Variants in CMTM7 observed in about 807,000 individuals in gnomAD.
The protein encoded by CMTM7 is CKLF like MARVEL transmembrane domain containing 7.
Under a neutral mutation model 19.3 loss-of-function variants are expected in CMTM7, and 7 were observed. The observed-to-expected ratio is 0.36, with a 90% CI of 0.21 to 0.68. The LOEUF is 0.68. CMTM7 is among the 30% of genes least tolerant of loss of function. The pLI, the probability that CMTM7 is intolerant of heterozygous loss-of-function variation, is 0.60. For synonymous variants in CMTM7, 87 were observed against 99.3 expected (o/e 0.88, Z 0.74); for missense variants, 193 against 232.6 (o/e 0.83, Z 1.11).
chr3:32,446,504 A>T (rs28810816), intron 2 of CMTM7, among the ~76,000 whole-genome samples: 1 of 151,040 alleles, frequency 6.6e-6, no homozygotes, highest in African/African-American at 2.4e-5. Flanking sequence ...TTTAATCTTT[A>T]TTTTTTTTCT....
rs751659931 is a variant in CMTM7, at chr3:32,449,475, G to A, written c.355G>A (p.Gly119Ser). ...PLSELLHYLI[G>S]TLLLLIASIV... The stretch of plus-strand genomic sequence containing the variant: ...CCAGGAACTTCTGCACTATTTAATC[G>A]GTACCCTGCTCCTCCTCATCGCCTC... Residue 119 changes from glycine to serine, a missense_variant, in exon 3 of 5, where the codon GGT (glycine) becomes AGT (serine). Coordinates refer to ENST00000334983, the MANE Select transcript of CMTM7 (RefSeq NM_138410.4). The surrounding 1 kb of genome is among the most constrained non-coding windows in gnomAD (Gnocchi z 4.5). The A allele has an allele frequency of 5.6e-6, 9 of 1,613,828 alleles. No individual in the cohort carries two copies. Among genetic ancestry groups the A allele is most frequent in the South Asian group, 2.2e-5 (2 of 91,070 alleles).
intron 1 of CMTM7, among the ~76,000 whole-genome samples, chr3:32,409,708 C>G (rs1373779898): frequency 6.6e-6 from 1 of 152,184 alleles, no homozygotes; most frequent in Non-Finnish European, 1.5e-5. Flanking sequence ...GTGGGACCCT[C>G]TGATTCTCAG....
intron 2 of CMTM7, among the ~76,000 whole-genome samples, chr3:32,444,521 G>A (rs140595497): frequency 0.036 from 5,462 of 152,190 alleles, 149 homozygotes; most frequent in Non-Finnish European, 0.052. Context: ...TCTTTTTTAG[G>A]ATTGATTTGG....
intron 4 of CMTM7, among the ~76,000 whole-genome samples, chr3:32,453,868 G>A (rs974211726): frequency 2.6e-5 from 4 of 152,152 alleles, no homozygotes; most frequent in South Asian, 4.1e-4. Flanking sequence ...ATTTTTAAAC[G>A]TAGAGAATAT....
intron 1 of CMTM7, among the ~76,000 whole-genome samples, chr3:32,406,396 T>G (rs1696091975): frequency 6.6e-6 from 1 of 152,212 alleles, no homozygotes; most frequent in Non-Finnish European, 1.5e-5. Context: ...CAATGTTGCA[T>G]GCTTTTCAAC....
intron 1 of CMTM7, among the ~76,000 whole-genome samples, chr3:32,433,613 G>C (rs1015368145): frequency 6.6e-6 from 1 of 152,100 alleles, no homozygotes; most frequent in East Asian, 1.9e-4. Context: ...CCTTGTGCTG[G>C]GTCCCTAATT....
chr3:32,392,262 C>CAGTCCCCCGCGCTGGAGCTT (rs2125614801), intron 1 of CMTM7, among the ~76,000 whole-genome samples, 197 bp downstream of exon 1: 1 of 152,292 alleles, frequency 6.6e-6, no homozygotes, highest in East Asian at 1.9e-4. Context: ...CGCTGGAGCT[C>CAGTCCCCCGCGCTGGAGCTT]AGTCCCCAGA....
At position 32,449,298 on chromosome 3, in the gene CMTM7, C is replaced by T. The variant is rs553157180; in HGVS notation, c.334-156C>T. Among the ~76,000 whole-genome samples the T allele has an allele frequency of 6.6e-6, 1 of 152,338 alleles. No individual in the cohort carries two copies. Among genetic ancestry groups the T allele is most frequent in the South Asian group, 2.1e-4 (1 of 4,830 alleles). ...CCTGGTCAGCCCGCATGTTGGCTGC[C>T]TGCGAGCGGCTCTGCTCATCCCATT... On this transcript the variant is annotated intron_variant, in intron 2 of 4. Coordinates refer to ENST00000334983, the MANE Select transcript of CMTM7 (RefSeq NM_138410.4). The surrounding 1 kb of genome is among the most constrained non-coding windows in gnomAD (Gnocchi z 4.5).
At chr3:32,428,822 TG>T (rs1696472113) in intron 1 of CMTM7, among the ~76,000 whole-genome samples, 3 of 152,200 alleles carry the variant, frequency 2.0e-5, no homozygotes, top group South Asian at 4.1e-4. Flanking sequence ...AGATGAGCTG[TG>T]TTCAGCCCAC....
In CMTM7 at chr3:32,422,193, C is replaced by T. The variant is rs567681117; in HGVS notation, c.160-19647C>T. 4.6e-5 allele frequency among the ~76,000 whole-genome samples: 7 copies of T among 152,342 alleles called. No individual in the cohort carries two copies. The South Asian group carries it at 1.4e-3, about 32-fold the overall frequency. ...ATCCGTGACACATGCTTACAAATCC[C>T]TTAATGGCTTTTCTATTCTTGTTTT... On this transcript the variant is annotated intron_variant, in intron 1 of 4. Coordinates refer to ENST00000334983, the MANE Select transcript of CMTM7 (RefSeq NM_138410.4).
chr3:32,449,502 A>C lies in CMTM7; in HGVS notation c.382A>C (p.Ile128Leu), dbSNP rs1267985694. 1.2e-6 allele frequency: 2 copies of C among 1,614,112 alleles called. No individual in the cohort carries two copies. Among genetic ancestry groups the C allele is most frequent in the Non-Finnish European group, 1.7e-6 (2 of 1,180,018 alleles). ...TACCCTGCTCCTCCTCATCGCCTCC[A>C]TTGTGGCAGCTTCCAAGAGTTACAA... Reference protein sequence around the residue: ...IGTLLLLIASIVAASKSYNQS... With the variant: ...IGTLLLLIASLVAASKSYNQS... Residue 128 changes from isoleucine (I) to leucine (L), a missense_variant, in exon 3 of 5, where the codon ATT (isoleucine) becomes CTT (leucine). Physicochemically the swap from Ile to Leu is conservative, Grantham distance 5. Transcript: ENST00000334983. The surrounding 1 kb of genome is among the most constrained non-coding windows in gnomAD (Gnocchi z 4.5).
intron 1 of CMTM7, among the ~76,000 whole-genome samples, chr3:32,422,694 C>T (rs1575116606): frequency 6.6e-6 from 1 of 152,248 alleles, no homozygotes; most frequent in African/African-American, 2.4e-5. Context: ...ACAGACACTT[C>T]TCAACTTATG....
rs566488397 is a variant in CMTM7 at position 32,425,126 on chromosome 3, C to T, written c.160-16714C>T. On this transcript the variant is annotated intron_variant, in intron 1 of 4. Transcript: ENST00000334983. Reference sequence around the variant, plus strand: ...GTCTAGAGCAGGTGCCTCTCTGTGCCTCAGTGTCCTCATCTGTAGAATGAG... The same window carrying T: ...GTCTAGAGCAGGTGCCTCTCTGTGCTTCAGTGTCCTCATCTGTAGAATGAG... 2.0e-5 allele frequency among the ~76,000 whole-genome samples: 3 copies of T among 152,326 alleles called. No homozygotes were observed. In the East Asian group the frequency reaches 5.8e-4, roughly 29 times the overall value.
At chr3:32,393,626 A>C (rs1695872420) in intron 1 of CMTM7, among the ~76,000 whole-genome samples, 1 of 152,194 alleles carries the variant, frequency 6.6e-6, no homozygotes. Flanking sequence ...CCCCATCTCT[A>C]CAAAAAAAAT....
intron 1 of CMTM7, among the ~76,000 whole-genome samples, chr3:32,404,687 T>C (rs347129): frequency 0.97 from 147,559 of 152,338 alleles, 71,643 homozygotes; most frequent in Non-Finnish European, 1. Context: ...CACCATGGTA[T>C]GCACACCTGA....
At chr3:32,441,764 G>T in intron 1 of CMTM7, 76 bp from the exon 2 acceptor site, 2 of 1,302,210 alleles carry the variant, frequency 1.5e-6, no homozygotes, top group Non-Finnish European at 1.1e-6. Flanking sequence ...GGGGATGCTT[G>T]GTTGTTTTCC....
chr3:32,429,434 C>G (rs566675017), intron 1 of CMTM7, among the ~76,000 whole-genome samples: 1 of 151,786 alleles, frequency 6.6e-6, no homozygotes, highest in African/African-American at 2.4e-5. Context: ...GCTGGGACTA[C>G]AGGCATGCGT....
chr3:32,400,481 C>T (rs772223715), intron 1 of CMTM7, among the ~76,000 whole-genome samples: 1 of 149,732 alleles, frequency 6.7e-6, no homozygotes, highest in Non-Finnish European at 1.5e-5. Flanking sequence ...CAACCTCCAC[C>T]TCCCGGGTTC....
chr3:32,426,797 T>C (rs9883804), intron 1 of CMTM7, among the ~76,000 whole-genome samples: 2,480 of 152,304 alleles, frequency 0.016, 81 homozygotes, highest in African/African-American at 0.056. Flanking sequence ...GAGGTGAAGT[T>C]ATTGGTTCAA....
Sources: gnomAD v4.1 joint callset for allele counts (sites outside exome capture counted in the v4.1 genomes callset) on GRCh38, gnomAD v4.1.1 for gene constraint, Gnocchi (gnomAD v3.1) non-coding constraint, MANE v1.5 for transcripts, NCBI Gene and HGNC (gene_info 2026-07-23, HGNC 2026-07-21) for gene names.